Variants in ROCK2 observed in about 807,000 individuals in gnomAD.
ROCK2 encodes rho-associated protein kinase 2.
Under a neutral mutation model 195.1 loss-of-function variants are expected in ROCK2, and 61 were observed. The observed-to-expected ratio is 0.31, with a 90% CI of 0.25 to 0.39. The LOEUF (loss-of-function observed/expected upper bound fraction) is 0.39. Among genes scored for constraint, ROCK2 ranks in the 10% least tolerant of loss-of-function variants. ROCK2 has a pLI of 1.00. For synonymous variants in ROCK2, 504 were observed against 545.5 expected, an observed-to-expected ratio of 0.92 and a Z score of 1.06; for missense variants, 1,109 against 1,637.4, an observed-to-expected ratio of 0.68 and a Z score of 5.57.
intron 3 of ROCK2, among the ~76,000 whole-genome samples, chr2:11,285,317 C>T (rs1163841729): frequency 6.6e-6 from 1 of 150,656 alleles, no homozygotes; most frequent in African/African-American, 2.4e-5. Flanking sequence ...TGAAACCTTT[C>T]TTGGAGGTCT....
chr2:11,221,233 C>G lies in ROCK2; in HGVS notation c.1224G>C (p.Leu408=), dbSNP rs1398411521. 1 of 1,580,862 alleles carries G rather than the reference C, an allele frequency of 6.3e-7. No homozygotes were observed. The part of the protein sequence containing the change: ...PIPKAFVGNQ[L]PFIGFTYYRE... The stretch of plus-strand genomic sequence containing the variant: ...TATAGTAGGTAAATCCGATGAAAGG[C>G]AGCTGATTTCCAACAAAAGCTTTAG... The change falls in exon 9 of 33, where the codon CTG becomes CTC. Residue 408 remains leucine (L), a synonymous_variant. Transcript: ENST00000315872.
intron 18 of ROCK2, among the ~76,000 whole-genome samples, chr2:11,209,904 G>A (rs947810135): frequency 6.6e-6 from 1 of 152,128 alleles, no homozygotes; most frequent in African/African-American, 2.4e-5. Flanking sequence ...ATGTTTTATT[G>A]CACTTGATTT....
chr2:11,345,179 T>A (rs1669266794), upstream of ROCK2, among the ~76,000 whole-genome samples: 1 of 152,210 alleles, frequency 6.6e-6, no homozygotes, highest in South Asian at 2.1e-4. Flanking sequence ...CCTGGGTGTC[T>A]GGGATTCCGA....
chr2:11,283,621 G>A (rs1667092720), intron 3 of ROCK2, among the ~76,000 whole-genome samples: 3 of 140,892 alleles, frequency 2.1e-5, no homozygotes, highest in Non-Finnish European at 3.2e-5. Context: ...AAGATATACA[G>A]ATGGCAAATA....
At chr2:11,285,065 C>T (rs1220950229) in intron 3 of ROCK2, among the ~76,000 whole-genome samples, 1 of 152,010 alleles carries the variant, frequency 6.6e-6, no homozygotes, top group African/African-American at 2.4e-5. Context: ...GAGTTCAAGA[C>T]CAGACTGACC....
At position 11,344,468 on chromosome 2, in the gene ROCK2, G is replaced by T. The variant is rs1264277288; in HGVS notation, c.-332C>A. 1.0e-6 allele frequency: 1 copy of T among 1,004,336 alleles called. No individual in the cohort carries two copies. Among genetic ancestry groups the T allele is most frequent in the African/African-American group, 1.7e-5 (1 of 58,014 alleles). The allele number at this position is 1,004,336 out of a possible 1,614,324, so 62.2% of individuals were successfully genotyped here. ...CCTCGGGCGGGAGCAGGGAAGTGGC[G>T]CCGCCACCGCCGCGGCCCGGACCGC... On this transcript the variant is annotated 5_prime_UTR_variant, in exon 1 of 33. Coordinates refer to ENST00000315872, the MANE Select transcript of ROCK2 (RefSeq NM_004850.5). The surrounding 1 kb of genome is among the most constrained non-coding windows in gnomAD (Gnocchi z 5.4).
intron 1 of ROCK2, among the ~76,000 whole-genome samples, chr2:11,288,959 T>C (rs150619294): frequency 2.7e-4 from 41 of 152,262 alleles, no homozygotes; most frequent in African/African-American, 8.9e-4. Flanking sequence ...CTAGAATAAC[T>C]GTACATACTA....
At chr2:11,296,494 ATTAT>A (rs1338555205) in intron 1 of ROCK2, among the ~76,000 whole-genome samples, 2 of 152,158 alleles carry the variant, frequency 1.3e-5, no homozygotes, top group African/African-American at 4.8e-5. Context: ...AATATAGAAA[ATTAT>A]TTTTCTACAA....
At chr2:11,296,506 C>T in intron 1 of ROCK2, among the ~76,000 whole-genome samples, 1 of 152,080 alleles carries the variant, frequency 6.6e-6, no homozygotes, top group East Asian at 1.9e-4. Flanking sequence ...TATTTTTCTA[C>T]AATTGTGAAG....
At chr2:11,316,930 TG>T (rs11350622) in intron 1 of ROCK2, among the ~76,000 whole-genome samples, 60,068 of 151,884 alleles carry the variant, frequency 0.4, 13,439 homozygotes, top group Admixed American at 0.52. Context: ...AGATCCTAAG[TG>T]TGGTCGTTTA....
intron 4 of ROCK2, among the ~76,000 whole-genome samples, chr2:11,246,236 T>C (rs1665610920): frequency 6.6e-6 from 1 of 151,806 alleles, no homozygotes; most frequent in Non-Finnish European, 1.5e-5. Flanking sequence ...AACAACCAAT[T>C]TACAAAAATA....
At chr2:11,193,894 C>T (rs963552524) in intron 29 of ROCK2, 37 bp from the exon 30 acceptor site, 3 of 1,153,406 alleles carry the variant, frequency 2.6e-6, no homozygotes, top group African/African-American at 1.5e-5. Flanking sequence ...AAAATATCAC[C>T]CAAGGATCAA....
intron 1 of ROCK2, among the ~76,000 whole-genome samples, chr2:11,317,612 A>ATATTTTTTT (rs59701503): frequency 2.6e-4 from 5 of 19,312 alleles, no homozygotes; most frequent in East Asian, 2.0e-3. Flanking sequence ...ATATATATAT[A>ATATTTTTTT]TTTTTTTTTT....
intron 1 of ROCK2, among the ~76,000 whole-genome samples, chr2:11,328,408 G>C (rs1012243888): frequency 6.6e-6 from 1 of 152,156 alleles, no homozygotes; most frequent in African/African-American, 2.4e-5. Context: ...TCAACTGTCT[G>C]TAAAAAAGCT....
At chr2:11,286,765 G>A (rs1008015786) in intron 2 of ROCK2, 126 bp from the exon 3 acceptor site, 3 of 551,088 alleles carry the variant, frequency 5.4e-6, no homozygotes, top group Non-Finnish European at 9.2e-6. Flanking sequence ...AGTTTTTAAA[G>A]GCTGTTAGTT....
intron 1 of ROCK2, among the ~76,000 whole-genome samples, chr2:11,334,094 A>G (rs1158236548): frequency 6.6e-6 from 1 of 152,200 alleles, no homozygotes; most frequent in Non-Finnish European, 1.5e-5. Context: ...ATGTTTACTT[A>G]TCTTCTTTCC....
chr2:11,315,710 T>A (rs371538451), intron 1 of ROCK2, among the ~76,000 whole-genome samples: 1 of 152,166 alleles, frequency 6.6e-6, no homozygotes. Context: ...CTCATCAGAA[T>A]GTAGACTGGT....
intron 1 of ROCK2, among the ~76,000 whole-genome samples, chr2:11,306,925 A>T (rs1378674223): frequency 6.6e-6 from 1 of 152,230 alleles, no homozygotes; most frequent in Non-Finnish European, 1.5e-5. Context: ...CTTGAAAAAT[A>T]TGGGAAGATA....
At chr2:11,220,634 A>G (rs1424061655) in intron 9 of ROCK2, among the ~76,000 whole-genome samples, 1 of 152,208 alleles carries the variant, frequency 6.6e-6, no homozygotes, top group Non-Finnish European at 1.5e-5. Context: ...TACTGGACTC[A>G]ATGCGAGTGC....
Sources: gnomAD v4.1 joint callset for allele counts (sites outside exome capture counted in the v4.1 genomes callset) on GRCh38, gnomAD v4.1.1 for gene constraint, Gnocchi (gnomAD v3.1) non-coding constraint, MANE v1.5 for transcripts, NCBI Gene and HGNC (gene_info 2026-07-23, HGNC 2026-07-21) for gene names.